FAM20C: variants seen among roughly 807,000 people sequenced by gnomAD.
FAM20C encodes the protein extracellular serine/threonine protein kinase FAM20C.
In FAM20C, 40 loss-of-function variants were observed where a neutral mutation model predicts 51.5. That is an observed-to-expected ratio of 0.78 (90% CI 0.60 to 1.01). FAM20C has a LOEUF of 1.01. Ranked by LOEUF, FAM20C falls within the 50% of genes least tolerant of loss-of-function variation. The pLI is 0.00. For missense variants in FAM20C, 861 were observed against 844.7 expected (o/e 1.02, Z -0.24); for synonymous variants, 406 against 380.6 (o/e 1.07, Z -0.78).
chr7:256,592 G>A (rs1023779289), intron 6 of FAM20C, 62 bp from the exon 7 acceptor site: 2 of 1,358,088 alleles, frequency 1.5e-6, no homozygotes, highest in Non-Finnish European at 2.0e-6. Flanking sequence ...TGCTCCTCAT[G>A]GCACGCGCCG....
chr7:244,673 C>A (rs1379757363), intron 3 of FAM20C, among the ~76,000 whole-genome samples: 2 of 152,360 alleles, frequency 1.3e-5, no homozygotes, highest in Non-Finnish European at 1.5e-5. Context: ...GCAATGGCCA[C>A]AGACCCAGTG....
rs1554254770 is a variant in FAM20C at position 246,537 on chromosome 7, G to GA, written c.956+30_956+31insA. On this transcript the variant is annotated intron_variant, in intron 4 of 9. Transcript: ENST00000313766. ...GCCCTTCCTTCCTCCCTCCATCCGC[G>GA]CTCCCGTGCGCTCAGACCCACCGGT... 589 of 1,459,732 alleles carry GA rather than the reference G, an allele frequency of 4.0e-4. 23 individuals are homozygous for GA. In the South Asian group the frequency reaches 6.9e-3, roughly 17 times the overall value. 90.4% of individuals were successfully genotyped at this position (1,459,732 alleles called of 1,614,324 possible). A position where few individuals can be genotyped will look rare whatever the true frequency, so the allele number is the denominator to read the frequency against.
chr7:204,227 C>T (rs1219105232), intron 2 of FAM20C, among the ~76,000 whole-genome samples: 3 of 152,224 alleles, frequency 2.0e-5, no homozygotes, highest in Non-Finnish European at 2.9e-5. Context: ...GAAAACCCCC[C>T]GGTACCCGGT....
chr7:256,564 G>A, intron 6 of FAM20C, 90 bp from the exon 7 acceptor site: 1 of 1,071,212 alleles, frequency 9.3e-7, no homozygotes, highest in South Asian at 1.4e-5. Flanking sequence ...CAAGGTCCCT[G>A]CCGCAGTGTT....
Position 248,442 on chromosome 7 carries a change from C to T in FAM20C, c.1072+12C>T, listed in dbSNP as rs547974510. The stretch of plus-strand genomic sequence containing the variant: ...CTTCATCTCTCCAGGTAGCCTGGCA[C>T]GGGGGCCCGCATTCATCTCTCCAGG... On this transcript the variant is annotated intron_variant, in intron 5 of 9. Transcript: ENST00000313766. 7.2e-4 allele frequency: 1,096 copies of T among 1,525,152 alleles called. 14 individuals are homozygous for T. In the South Asian group the frequency reaches 8.8e-3, roughly 12 times the overall value. The allele number at this position is 1,525,152 out of a possible 1,614,324, so 94.5% of individuals were successfully genotyped here.
chr7:229,764 C>T (rs1787587565), intron 3 of FAM20C, among the ~76,000 whole-genome samples: 1 of 152,170 alleles, frequency 6.6e-6, no homozygotes, highest in South Asian at 2.1e-4. Flanking sequence ...TATTAAACAG[C>T]TTAATATATC....
chr7:241,372 G>C (rs1787941258), intron 3 of FAM20C, among the ~76,000 whole-genome samples: 1 of 152,164 alleles, frequency 6.6e-6, no homozygotes, highest in Non-Finnish European at 1.5e-5. Context: ...TCAGCAAGTC[G>C]TTCGTCTTCT....
chr7:196,973 G>C (rs1359717296), intron 2 of FAM20C, among the ~76,000 whole-genome samples: 1 of 152,096 alleles, frequency 6.6e-6, no homozygotes, highest in East Asian at 1.9e-4. Context: ...TGAAAGCGCT[G>C]CCTTTCTCCT....
intron 2 of FAM20C, chr7:197,660 G>C (rs1785943575): frequency 6.6e-6 from 1 of 152,366 alleles, no homozygotes; most frequent in African/African-American, 2.4e-5. Context: ...GCACAGGCAG[G>C]GTCTGAGCAG....
At chr7:214,351 C>G (rs922617483) in intron 3 of FAM20C, among the ~76,000 whole-genome samples, 1 of 152,124 alleles carries the variant, frequency 6.6e-6, no homozygotes, top group Admixed American at 6.5e-5. Context: ...TTTACATGTT[C>G]TAAATACAAG....
At chr7:213,083 G>A (rs1035425755) in intron 3 of FAM20C, among the ~76,000 whole-genome samples, 1 of 152,214 alleles carries the variant, frequency 6.6e-6, no homozygotes, top group African/African-American at 2.4e-5. Flanking sequence ...TCCTTTGTGA[G>A]TGACACGTTT....
intron 3 of FAM20C, among the ~76,000 whole-genome samples, chr7:211,411 A>G (rs1172538688): frequency 2.1e-4 from 15 of 72,796 alleles, no homozygotes; most frequent in South Asian, 4.3e-4. Flanking sequence ...CACCTCCTCC[A>G]CCTCTTCCTC....
chr7:233,857 T>C (rs1787772391), intron 3 of FAM20C, among the ~76,000 whole-genome samples: 1 of 152,212 alleles, frequency 6.6e-6, no homozygotes, highest in East Asian at 1.9e-4. Flanking sequence ...TACTTTAGTA[T>C]GAATAACCAC....
At chr7:240,977 G>A (rs1787930649) in intron 3 of FAM20C, among the ~76,000 whole-genome samples, 1 of 152,208 alleles carries the variant, frequency 6.6e-6, no homozygotes, top group Non-Finnish European at 1.5e-5. Context: ...AGGAGGGGCA[G>A]GTGCTGGAGA....
At chr7:204,967 G>A (rs568641945) in intron 2 of FAM20C, among the ~76,000 whole-genome samples, 15 of 152,318 alleles carry the variant, frequency 9.8e-5, no homozygotes, top group African/African-American at 2.9e-4. Context: ...GAGCCCCCAC[G>A]CCACTGCTGT....
At chr7:234,819 C>T (rs918792500) in intron 3 of FAM20C, among the ~76,000 whole-genome samples, 13 of 152,148 alleles carry the variant, frequency 8.5e-5, no homozygotes, top group African/African-American at 3.1e-4. Context: ...TGTGGGCCAG[C>T]GAGCTCCCAT....
Position 223,312 on chromosome 7 carries a change from C to T in FAM20C, c.863+14336C>T, listed in dbSNP as rs140948008. On this transcript the variant is annotated intron_variant, in intron 3 of 9. Transcript: ENST00000313766. ...GTCCGCTGGGCTGCAGGCTCCACGG[C>T]GGGTGGGTGCTGAGTCTTAGCTCAG... is the stretch of plus-strand genomic sequence containing the variant. Among the ~76,000 whole-genome samples the T allele has an allele frequency of 2.2e-3, 338 of 152,250 alleles. 1 individual carries two copies. Among genetic ancestry groups the T allele is most frequent in the African/African-American group, 7.8e-3 (322 of 41,536 alleles).
At position 193,156 on chromosome 7, in the gene FAM20C, G is replaced by A. The variant is rs1785645160; in HGVS notation, c.-44G>A. The A allele has an allele frequency of 7.0e-7, 1 of 1,422,546 alleles. No individual in the cohort carries two copies. The highest frequency in any genetic ancestry group is 9.3e-7 in the Non-Finnish European group (1 of 1,080,088). 88.1% of individuals were successfully genotyped at this position (1,422,546 alleles called of 1,614,324 possible). A position where few individuals can be genotyped will look rare whatever the true frequency, so the allele number is the denominator to read the frequency against. On this transcript the variant is annotated 5_prime_UTR_variant, in exon 1 of 10. Transcript: ENST00000313766. ...CGTGCCCAGCTGCAGCTAGAGGGGC[G>A]CGCGGGCAGAACGCGCTCCAGGCCC...
intron 3 of FAM20C, among the ~76,000 whole-genome samples, chr7:214,973 G>T (rs914648931): frequency 6.6e-6 from 1 of 152,106 alleles, no homozygotes; most frequent in Non-Finnish European, 1.5e-5. Flanking sequence ...ATGTGACTCA[G>T]ACTCGAAGCC....
Sources: gnomAD v4.1 joint callset for allele counts (sites outside exome capture counted in the v4.1 genomes callset) on GRCh38, gnomAD v4.1.1 for gene constraint, MANE v1.5 for transcripts, NCBI Gene and HGNC (gene_info 2026-07-23, HGNC 2026-07-21) for gene names.